The following UGT2A2 variants were observed in gnomAD, a reference collection of about 807,000 sequenced individuals.
The protein encoded by UGT2A2 is UDP glucuronosyltransferase family 2 member A2, also known as UDP-glucuronosyltransferase 2A2.
UGT2A2 carries 60 observed loss-of-function variants against 50.7 expected under a neutral mutation model. The observed-to-expected ratio is 1.18, with a 90% CI of 0.96 to 1.47. The LOEUF is 1.47. Among genes scored for constraint, UGT2A2 ranks in the 40% most tolerant of loss-of-function variants. The probability of loss-of-function intolerance (pLI) is 0.00; values close to 1 mark genes in which losing one functional copy is unlikely to be tolerated. For missense variants in UGT2A2, 762 were observed against 634.0 expected (o/e 1.20, Z -2.17); for synonymous variants, 242 against 214.6 (o/e 1.13, Z -1.11).
Position 69,594,674 on chromosome 4 carries a change from A to G in UGT2A2, c.1134T>C (p.Phe378=), listed in dbSNP as rs140751856. Residue 378 remains phenylalanine (F), a synonymous_variant, in exon 5 of 6, where the codon TTT becomes TTC. Coordinates refer to ENST00000604629, the MANE Select transcript of UGT2A2 (RefSeq NM_001105677.2). Reference sequence around the variant, plus strand: ...TCCCATTAGTTCCACCATGAGTGATAAAAGCTTTGGTTTTGGGATGTCCTA... The same window carrying G: ...TCCCATTAGTTCCACCATGAGTGATGAAAGCTTTGGTTTTGGGATGTCCTA... ...DLLGHPKTKA[F]ITHGGTNGIY... 5.8e-5 allele frequency: 94 copies of G among 1,613,926 alleles called. No homozygotes were observed. The African/African-American group carries it at 1.2e-3, about 21-fold the overall frequency.
intron 1 of UGT2A2, among the ~76,000 whole-genome samples, chr4:69,618,205 G>GTGTGTA (rs1553905688): frequency 1.1e-5 from 1 of 87,892 alleles, no homozygotes; most frequent in African/African-American, 4.4e-5. Flanking sequence ...GTGTGTGTGT[G>GTGTGTA]TGTGTGTGTG....
At position 69,639,367 on chromosome 4, in the gene UGT2A2, T is replaced by C; in HGVS notation, c.274A>G (p.Ile92Val). 1 of 1,613,702 alleles carries C rather than the reference T, an allele frequency of 6.2e-7. No homozygotes were observed. The highest frequency in any genetic ancestry group is 1.1e-5 in the South Asian group (1 of 91,030). Residue 92 changes from isoleucine to valine, a missense_variant, in exon 1 of 6, where the codon ATA becomes GTA. Transcript: ENST00000604629. ...ATCATATGCTCAATTAAGGAATCTA[T>C]ATTGCTCTTCTTGTAGGAAACAGGT... ...VIPVSYKKSN[I>V]DSLIEHMIML... is the part of the protein sequence containing the mutation.
At chr4:69,603,182 C>T (rs1365742181) in intron 1 of UGT2A2, among the ~76,000 whole-genome samples, 3 of 136,166 alleles carry the variant, frequency 2.2e-5, no homozygotes, top group East Asian at 4.1e-4. Context: ...AAAATCCATA[C>T]GGAAAAGCAA....
At chr4:69,620,747 C>CA (rs1475337561) in intron 1 of UGT2A2, among the ~76,000 whole-genome samples, 1 of 150,052 alleles carries the variant, frequency 6.7e-6, no homozygotes, top group Non-Finnish European at 1.5e-5. Flanking sequence ...AACTATACTA[C>CA]AGGGCTACAG....
intron 5 of UGT2A2, among the ~76,000 whole-genome samples, chr4:69,594,078 C>T (rs1394618230): frequency 6.7e-6 from 1 of 150,228 alleles, no homozygotes; most frequent in Admixed American, 6.7e-5. Context: ...GGGTTCACGC[C>T]ATTCTCCTGC....
intron 1 of UGT2A2, among the ~76,000 whole-genome samples, chr4:69,616,120 A>C (rs1560480452): frequency 1.3e-5 from 2 of 152,028 alleles, no homozygotes; most frequent in Admixed American, 1.3e-4. Context: ...CCAGGCGCGG[A>C]AAGACAAATA....
rs1443444799 is a variant in UGT2A2 at position 69,594,594 on chromosome 4, T to G, written c.1214A>C (p.Asp405Ala). The change falls in exon 5 of 6, where the codon GAT becomes GCT. Residue 405 changes from aspartate to alanine, a missense_variant. Asp to Ala is a moderately radical substitution (Grantham distance 126). Coordinates refer to ENST00000604629, the MANE Select transcript of UGT2A2 (RefSeq NM_001105677.2). ...VPMVGVPMFA[D>A]QPDNIAHMKA... ...CATGTGAGCAATGTTATCAGGCTGA[T>G]CAGCAAACATGGGAACTCCCACCAT... 7 of 1,614,034 alleles carry G rather than the reference T, an allele frequency of 4.3e-6. No homozygotes were observed. The highest frequency in any genetic ancestry group is 5.9e-6 in the Non-Finnish European group (7 of 1,180,040).
chr4:69,634,307 C>T (rs781736654), intron 1 of UGT2A2, among the ~76,000 whole-genome samples: 40 of 151,808 alleles, frequency 2.6e-4, no homozygotes, highest in Non-Finnish European at 4.7e-4. Context: ...CAACACTGAT[C>T]ACAGGAAAGC....
intron 1 of UGT2A2, among the ~76,000 whole-genome samples, chr4:69,621,262 T>A (rs1720738476): frequency 6.6e-6 from 1 of 152,056 alleles, no homozygotes; most frequent in African/African-American, 2.4e-5. Flanking sequence ...GACAAAGATC[T>A]AATATCCAGT....
At chr4:69,617,311 C>T (rs1720460128) in intron 1 of UGT2A2, among the ~76,000 whole-genome samples, 2 of 151,870 alleles carry the variant, frequency 1.3e-5, no homozygotes, top group South Asian at 2.1e-4. Flanking sequence ...GTTGATAGTG[C>T]TGAATAAGTA....
intron 1 of UGT2A2, among the ~76,000 whole-genome samples, chr4:69,615,777 T>C (rs960644748): frequency 6.6e-6 from 1 of 151,738 alleles, no homozygotes; most frequent in African/African-American, 2.4e-5. Flanking sequence ...GGTGAGGATA[T>C]GGAAAAAGGG....
intron 2 of UGT2A2, among the ~76,000 whole-genome samples, chr4:69,598,534 T>C (rs1719068028): frequency 6.6e-6 from 1 of 152,136 alleles, no homozygotes; most frequent in African/African-American, 2.4e-5. Flanking sequence ...AACATTTGTA[T>C]CTCTCAGTTT....
intron 1 of UGT2A2, among the ~76,000 whole-genome samples, chr4:69,620,933 A>C (rs937123664): frequency 2.6e-5 from 4 of 152,104 alleles, no homozygotes; most frequent in African/African-American, 9.7e-5. Flanking sequence ...TGGTGCTGGC[A>C]TAAATGGCTA....
At chr4:69,599,471 T>C in intron 1 of UGT2A2, 77 bp from the exon 2 acceptor site, 2 of 1,577,364 alleles carry the variant, frequency 1.3e-6, no homozygotes, top group Non-Finnish European at 8.5e-7. Context: ...CTACCAGTAA[T>C]TTCCTGATAA....
At chr4:69,593,991 T>TTTTTTTTTTTTTTTTTTTTTTTTC in intron 5 of UGT2A2, among the ~76,000 whole-genome samples, 1 of 150,272 alleles carries the variant, frequency 6.7e-6, no homozygotes. Flanking sequence ...GTTTTTTTTT[T>TTTTTTTTTTTTTTTTTTTTTTTTC]TGAGACTGAG....
chr4:69,624,523 T>C (rs1370315705), intron 1 of UGT2A2, among the ~76,000 whole-genome samples: 3 of 151,416 alleles, frequency 2.0e-5, no homozygotes, highest in Admixed American at 2.0e-4. Flanking sequence ...AGTTACCTCA[T>C]CTCTTTTTTG....
Position 69,631,715 on chromosome 4 carries a change from G to C in UGT2A2, c.742+7184C>G, listed in dbSNP as rs1028590187. Among the ~76,000 whole-genome samples the C allele has an allele frequency of 2.0e-5, 3 of 152,140 alleles. No homozygotes were observed. The South Asian group carries it at 6.2e-4, about 32-fold the overall frequency. On this transcript the variant is annotated intron_variant, in intron 1 of 5. Coordinates refer to ENST00000604629, the MANE Select transcript of UGT2A2 (RefSeq NM_001105677.2). Reference sequence around the variant, plus strand: ...TTATCCCAGCTGACAACCTGAAAAAGAGAACAACTGTAGCCACTACATCAG... The same window carrying C: ...TTATCCCAGCTGACAACCTGAAAAACAGAACAACTGTAGCCACTACATCAG...
At chr4:69,601,552 T>A (rs755019800) in intron 1 of UGT2A2, among the ~76,000 whole-genome samples, 3 of 152,154 alleles carry the variant, frequency 2.0e-5, no homozygotes, top group Non-Finnish European at 4.4e-5. Flanking sequence ...AAAACACTTC[T>A]GCATGACCTC....
At chr4:69,628,091 A>G (rs1282082608) in intron 1 of UGT2A2, among the ~76,000 whole-genome samples, 2 of 152,030 alleles carry the variant, frequency 1.3e-5, no homozygotes, top group East Asian at 1.9e-4. Context: ...GTCAATGTCA[A>G]GAAGCATTTC....
Sources: gnomAD v4.1 joint callset for allele counts (sites outside exome capture counted in the v4.1 genomes callset) on GRCh38, gnomAD v4.1.1 for gene constraint, MANE v1.5 for transcripts, NCBI Gene and HGNC (gene_info 2026-07-23, HGNC 2026-07-21) for gene names.